OR2L13: variants seen among roughly 807,000 people sequenced by gnomAD.
The protein encoded by OR2L13 is olfactory receptor family 2 subfamily L member 13.
Under a neutral mutation model 15.3 loss-of-function variants are expected in OR2L13, and 14 were observed. That is an observed-to-expected ratio of 0.91 (90% CI 0.60 to 1.43). The LOEUF (loss-of-function observed/expected upper bound fraction) is 1.43. OR2L13 is among the 40% of genes most tolerant of loss of function. The pLI is 0.00. For missense variants in OR2L13, 367 were observed against 387.9 expected (o/e 0.95, Z 0.45); for synonymous variants, 152 against 142.9 (o/e 1.06, Z -0.45).
the OR2L13 span, chr1:247,980,863 T>G: frequency 6.6e-6 from 1 of 152,190 alleles, no homozygotes; most frequent in Non-Finnish European, 1.5e-5. Context: ...AAATGACTGT[T>G]CATATGATGC....
the OR2L13 span, among the ~76,000 whole-genome samples, chr1:248,012,059 TTTTA>T: frequency 1.3e-5 from 2 of 152,124 alleles, no homozygotes; most frequent in African/African-American, 4.8e-5. Flanking sequence ...AACAGCTCAG[TTTTA>T]TTTATGTTCC....
chr1:248,074,655 C>T, the OR2L13 span, among the ~76,000 whole-genome samples: 1 of 152,016 alleles, frequency 6.6e-6, no homozygotes. Flanking sequence ...TGCATGGTAA[C>T]AAAAGACACT....
At chr1:247,997,904 A>G in the OR2L13 span, among the ~76,000 whole-genome samples, 10 of 152,150 alleles carry the variant, frequency 6.6e-5, no homozygotes, top group Admixed American at 6.5e-4. Context: ...CATGATTGCT[A>G]CTGAATTCCC....
chr1:248,043,205 T>C, the OR2L13 span, among the ~76,000 whole-genome samples: 2 of 152,120 alleles, frequency 1.3e-5, no homozygotes, highest in African/African-American at 2.4e-5. Context: ...AAATCTAATA[T>C]AGACTCTCCA....
At chr1:248,069,539 A>T in the OR2L13 span, among the ~76,000 whole-genome samples, 1 of 152,220 alleles carries the variant, frequency 6.6e-6, no homozygotes, top group Admixed American at 6.5e-5. Context: ...TGTAAAGACC[A>T]TCGATGCTAG....
chr1:248,022,989 A>T, the OR2L13 span: 2 of 1,050,588 alleles, frequency 1.9e-6, no homozygotes, highest in Non-Finnish European at 2.8e-6. Context: ...TCAAACAGAG[A>T]TTAATCCAGA....
chr1:247,965,939 T>C, the OR2L13 span: 1 of 1,609,588 alleles, frequency 6.2e-7, no homozygotes, highest in Non-Finnish European at 8.5e-7. Flanking sequence ...CTATCATTGG[T>C]GTGTCAGGAC....
the OR2L13 span, among the ~76,000 whole-genome samples, chr1:247,947,703 C>G: frequency 6.6e-6 from 1 of 151,936 alleles, no homozygotes; most frequent in Admixed American, 6.6e-5. Context: ...GGCGAGGAGG[C>G]CAAAGAGAAT....
chr1:247,957,286 A>T, the OR2L13 span, among the ~76,000 whole-genome samples: 1 of 152,286 alleles, frequency 6.6e-6, no homozygotes, highest in Non-Finnish European at 1.5e-5. Context: ...CATCCCAGGG[A>T]TGAAGCCCAC....
the OR2L13 span, among the ~76,000 whole-genome samples, chr1:248,053,464 A>T: frequency 6.6e-6 from 1 of 152,214 alleles, no homozygotes; most frequent in Non-Finnish European, 1.5e-5. Context: ...CTTTGGGTAT[A>T]CACCCAGTAA....
the OR2L13 span, among the ~76,000 whole-genome samples, chr1:247,940,906 A>T: frequency 1.3e-5 from 2 of 152,038 alleles, no homozygotes; most frequent in Middle Eastern, 3.2e-3. Flanking sequence ...CTTCATCAAC[A>T]TCTGTGCTTT....
At chr1:247,991,247 C>A in the OR2L13 span, 2 of 1,336,028 alleles carry the variant, frequency 1.5e-6, no homozygotes, top group Non-Finnish European at 2.1e-6. Flanking sequence ...AGGTTCATAT[C>A]AACTCAGCAG....
At chr1:248,082,915 T>C in the OR2L13 span, among the ~76,000 whole-genome samples, 2 of 152,124 alleles carry the variant, frequency 1.3e-5, no homozygotes, top group African/African-American at 2.4e-5. Context: ...CCTTAAAACA[T>C]GTGTAGAAAA....
chr1:248,044,829 A>AC, the OR2L13 span, among the ~76,000 whole-genome samples: 1 of 83,422 alleles, frequency 1.2e-5, no homozygotes, highest in Non-Finnish European at 2.0e-5. Flanking sequence ...AAAAAAAAAA[A>AC]AAAAAAAAAA....
the OR2L13 span, chr1:248,061,524 T>C: frequency 2.0e-4 from 319 of 1,613,640 alleles, no homozygotes; most frequent in Admixed American, 9.3e-4. Context: ...CCACCCTCAC[T>C]CCAATGCTCA....
chr1:248,088,351 C>T, the OR2L13 span, among the ~76,000 whole-genome samples: 1 of 152,030 alleles, frequency 6.6e-6, no homozygotes, highest in South Asian at 2.1e-4. Context: ...CCCAACTTTA[C>T]ATGTTTAAAT....
the OR2L13 span, chr1:247,975,040 T>C: frequency 9.3e-6 from 3 of 321,852 alleles, no homozygotes; most frequent in South Asian, 3.5e-5. Flanking sequence ...GAATTCAGAG[T>C]TTCTTCTTTG....
At chr1:247,980,256 G>A in the OR2L13 span, among the ~76,000 whole-genome samples, 3 of 151,628 alleles carry the variant, frequency 2.0e-5, no homozygotes, top group Non-Finnish European at 4.4e-5. Flanking sequence ...AAATTTAATG[G>A]GCATTTCCAG....
the OR2L13 span, among the ~76,000 whole-genome samples, chr1:247,976,549 G>A: frequency 6.6e-6 from 1 of 152,088 alleles, no homozygotes; most frequent in Non-Finnish European, 1.5e-5. Flanking sequence ...TATAATTTGA[G>A]TGTAGTAATC....
Sources: gnomAD v4.1 joint callset for allele counts (sites outside exome capture counted in the v4.1 genomes callset) on GRCh38, gnomAD v4.1.1 for gene constraint, MANE v1.5 for transcripts, NCBI Gene and HGNC (gene_info 2026-07-23, HGNC 2026-07-21) for gene names.